Variants in PTPRQ observed in about 807,000 individuals in gnomAD.
PTPRQ encodes protein tyrosine phosphatase receptor type Q, also known as phosphatidylinositol phosphatase PTPRQ.
A neutral mutation model predicts 246.0 loss-of-function variants in PTPRQ; 199 were observed. That is an observed-to-expected ratio of 0.81 (90% CI 0.72 to 0.91). PTPRQ has a LOEUF of 0.91. PTPRQ is among the 40% of genes least tolerant of loss of function. PTPRQ has a pLI of 0.00. For synonymous variants in PTPRQ, 869 were observed against 853.2 expected, an observed-to-expected ratio of 1.02 and a Z score of -0.32; for missense variants, 2,624 against 2,528.4, an observed-to-expected ratio of 1.04 and a Z score of -0.81.
At position 80,548,401 on chromosome 12, in the gene PTPRQ, A is replaced by G. The variant is rs561385816; in HGVS notation, c.4016-1064A>G. Among the ~76,000 whole-genome samples, 4 of 152,142 alleles carry G rather than the reference A, an allele frequency of 2.6e-5. No individual in the cohort carries two copies. In the South Asian group the frequency reaches 6.2e-4, roughly 24 times the overall value. ...AACAAGGAAGTGAATAGTTAATAGC[A>G]TTTAATTGCCAGATCCCTTGATCAG... On this transcript the variant is annotated intron_variant, in intron 24 of 44. Coordinates refer to ENST00000644991, the MANE Select transcript of PTPRQ (RefSeq NM_001145026.2).
chr12:80,450,611 C>T (rs1892727903), intron 3 of PTPRQ, among the ~76,000 whole-genome samples: 2 of 151,900 alleles, frequency 1.3e-5, no homozygotes, highest in African/African-American at 2.4e-5. Flanking sequence ...TTGTCAAAGG[C>T]CTTTTCTGCA....
At chr12:80,571,342 G>C (rs1459985687) in intron 25 of PTPRQ, among the ~76,000 whole-genome samples, 2 of 152,218 alleles carry the variant, frequency 1.3e-5, no homozygotes, top group Admixed American at 6.5e-5. Context: ...GTTTCACCCT[G>C]TTGGTCAGGC....
intron 17 of PTPRQ, among the ~76,000 whole-genome samples, chr12:80,520,792 GT>G (rs1236318171): frequency 1.3e-5 from 2 of 152,024 alleles, no homozygotes; most frequent in African/African-American, 4.8e-5. Context: ...GCAAGTCTTT[GT>G]TATTGTGAAT....
intron 24 of PTPRQ, among the ~76,000 whole-genome samples, chr12:80,547,861 A>G (rs1896354414): frequency 1.3e-5 from 2 of 152,132 alleles, no homozygotes; most frequent in South Asian, 4.1e-4. Flanking sequence ...ACCCCTGAAT[A>G]TTACTGTTGC....
intron 8 of PTPRQ, among the ~76,000 whole-genome samples, chr12:80,483,355 A>G (rs1894143789): frequency 1.6e-5 from 2 of 128,756 alleles, no homozygotes; most frequent in African/African-American, 5.9e-5. Flanking sequence ...GAAGGGGAAC[A>G]TCACACTCTG....
chr12:80,513,370 T>A (rs1251583592), intron 17 of PTPRQ, among the ~76,000 whole-genome samples: 2 of 152,112 alleles, frequency 1.3e-5, no homozygotes, highest in African/African-American at 4.8e-5. Flanking sequence ...GTTGATGGCC[T>A]GCTGGCCTGC....
chr12:80,535,038 G>A lies in PTPRQ; in HGVS notation c.2985+1G>A. The stretch of plus-strand genomic sequence containing the variant: ...AAATACTTCAGGTACTTTTATGCAG[G>A]TAAGAACTGAATTTTCTTCTAGTTC... On this transcript the variant is annotated splice_donor_variant, in intron 19 of 44. Transcript: ENST00000644991. LOFTEE classifies it high-confidence loss of function. The A allele has an allele frequency of 6.6e-7, 1 of 1,507,864 alleles. No individual in the cohort carries two copies. The highest frequency in any genetic ancestry group is 8.8e-7 in the Non-Finnish European group (1 of 1,132,578). 93.4% of individuals were successfully genotyped at this position (1,507,864 alleles called of 1,614,324 possible).
chr12:80,567,905 A>C (rs1897027333), intron 25 of PTPRQ, among the ~76,000 whole-genome samples: 1 of 152,132 alleles, frequency 6.6e-6, no homozygotes, highest in African/African-American at 2.4e-5. Context: ...TTCTCAGCAG[A>C]ATTTGGTGTT....
intron 19 of PTPRQ, among the ~76,000 whole-genome samples, chr12:80,535,927 G>A (rs1156440621): frequency 6.6e-6 from 1 of 152,090 alleles, no homozygotes; most frequent in Non-Finnish European, 1.5e-5. Context: ...CTAACACGGT[G>A]AAACCCCGTC....
At position 80,616,740 on chromosome 12, in the gene PTPRQ, A is replaced by T. The variant is rs151033504; in HGVS notation, c.5230+474A>T. 1.6e-3 allele frequency among the ~76,000 whole-genome samples: 242 copies of T among 151,326 alleles called. 1 individual carries two copies. The highest frequency in any genetic ancestry group is 5.6e-3 in the African/African-American group (232 of 41,432). On this transcript the variant is annotated intron_variant, in intron 30 of 44. Coordinates refer to ENST00000644991, the MANE Select transcript of PTPRQ (RefSeq NM_001145026.2). The stretch of plus-strand genomic sequence containing the variant: ...TGGTTTATGATTCTGACAGTAAAGT[A>T]AATCTATCAATTCATGATTCTGGCA...
chr12:80,586,740 T>C (rs1215931591), intron 25 of PTPRQ: 6 of 152,316 alleles, frequency 3.9e-5, no homozygotes, highest in East Asian at 3.9e-4. Flanking sequence ...TCTGCATCCG[T>C]GGATTCAATC....
intron 25 of PTPRQ, among the ~76,000 whole-genome samples, chr12:80,559,105 C>T (rs985801555): frequency 4.6e-5 from 7 of 152,074 alleles, no homozygotes; most frequent in Non-Finnish European, 1.0e-4. Flanking sequence ...AGTGCAGTGG[C>T]GCAATCTCAG....
chr12:80,473,031 ACACACTCACACACACG>A (rs1893691962), intron 8 of PTPRQ, among the ~76,000 whole-genome samples: 1 of 97,214 alleles, frequency 1.0e-5, no homozygotes, highest in African/African-American at 3.3e-5. Context: ...ATACACACAC[ACACACTCACACACACG>A]CACACACACA....
At chr12:80,562,795 A>G (rs1896865864) in intron 25 of PTPRQ, among the ~76,000 whole-genome samples, 2 of 152,164 alleles carry the variant, frequency 1.3e-5, no homozygotes, top group South Asian at 2.1e-4. Context: ...ATGAAATTGA[A>G]AACAGAAAAA....
Position 80,444,843 on chromosome 12 carries a change from G to A in PTPRQ, c.157G>A (p.Val53Ile). ...SPVTRIVTTN[V>I]TKPGPPVFLA... ...TGTTACTAGAATAGTGACAACAAAT[G>A]TAACAAGTGAGTATATGTTTTAAAT... Residue 53 changes from valine (V) to isoleucine (I), a missense_variant, in exon 2 of 45, where the codon GTA becomes ATA. Physicochemically the swap from Val to Ile is conservative, Grantham distance 29 (BLOSUM62 3). Transcript: ENST00000644991. 1 of 1,524,744 alleles carries A rather than the reference G, an allele frequency of 6.6e-7. No homozygotes were observed. 94.5% of individuals were successfully genotyped at this position (1,524,744 alleles called of 1,614,324 possible). A position where few individuals can be genotyped will look rare whatever the true frequency, so the allele number is the denominator to read the frequency against.
intron 17 of PTPRQ, among the ~76,000 whole-genome samples, chr12:80,525,476 G>T (rs1315537143): frequency 3.9e-5 from 6 of 152,144 alleles, no homozygotes; most frequent in African/African-American, 1.4e-4. Context: ...CTGGAGAGCT[G>T]GTTAGGCCAT....
chr12:80,638,652 T>A (rs1466660334), intron 35 of PTPRQ, among the ~76,000 whole-genome samples: 1 of 152,216 alleles, frequency 6.6e-6, no homozygotes, highest in African/African-American at 2.4e-5. Flanking sequence ...TATTTAATTA[T>A]GCTCCACTTT....
chr12:80,498,930 G>C (rs1265066995), intron 14 of PTPRQ, among the ~76,000 whole-genome samples: 2 of 151,910 alleles, frequency 1.3e-5, no homozygotes, highest in Non-Finnish European at 2.9e-5. Context: ...TTTATTGTCT[G>C]TATGAGTTTA....
intron 35 of PTPRQ, among the ~76,000 whole-genome samples, chr12:80,638,647 A>T (rs1189713824): frequency 6.6e-6 from 1 of 152,276 alleles, no homozygotes; most frequent in East Asian, 1.9e-4. Flanking sequence ...CTCATTATTT[A>T]ATTATGCTCC....
Sources: allele counts gnomAD v4.1 joint callset (sites outside exome capture counted in the v4.1 genomes callset), GRCh38; gene constraint gnomAD v4.1.1; transcripts MANE v1.5; gene names NCBI Gene and HGNC (gene_info 2026-07-23, HGNC 2026-07-21).